CES5A: variants seen among roughly 807,000 people sequenced by gnomAD.
CES5A encodes carboxylesterase 5A.
A neutral mutation model predicts 62.9 loss-of-function variants in CES5A; 67 were observed. The observed-to-expected ratio is 1.07, with a 90% CI of 0.88 to 1.31. The LOEUF is 1.31. CES5A is among the 50% of genes most tolerant of loss of function. The probability of loss-of-function intolerance (pLI) is 0.00; values close to 1 mark genes in which losing one functional copy is unlikely to be tolerated. For missense variants in CES5A, 748 were observed against 708.5 expected (o/e 1.06, Z -0.63); for synonymous variants, 296 against 280.8 (o/e 1.05, Z -0.54).
rs56017491 is a variant in CES5A at position 55,854,544 on chromosome 16, C to CTTTTTTTTTTTTT, written c.1126-1529_1126-1517dup. Among the ~76,000 whole-genome samples the CTTTTTTTTTTTTT allele has an allele frequency of 6.6e-3, 424 of 64,340 alleles. 48 individuals are homozygous for CTTTTTTTTTTTTT. The highest frequency in any genetic ancestry group is 8.5e-3 in the Non-Finnish European group (325 of 38,202). 42.2% of individuals were successfully genotyped at this position (64,340 alleles called of 152,430 possible). A position where few individuals can be genotyped will look rare whatever the true frequency, so the allele number is the denominator to read the frequency against. On this transcript the variant is annotated intron_variant, in intron 9 of 12. Coordinates refer to ENST00000290567, the MANE Select transcript of CES5A (RefSeq NM_001143685.2). ...CCTGTAGTGTTTCTTTTTTTTTTTT[C>CTTTTTTTTTTTTT]TTTTTTTTTTTTTGAGACAGAGTCT...
upstream of CES5A, among the ~76,000 whole-genome samples, chr16:55,876,747 G>C (rs2033699454): frequency 6.6e-6 from 1 of 152,214 alleles, no homozygotes; most frequent in African/African-American, 2.4e-5. Context: ...GGCTAAGAGA[G>C]ATCTCAGGGG....
At chr16:55,890,371 T>TTA (rs72537158) in intron 1 of CES5A, among the ~76,000 whole-genome samples, 124 of 70,064 alleles carry the variant, frequency 1.8e-3, no homozygotes, top group Admixed American at 4.6e-3. Context: ...TGGGCTTGAA[T>TTA]TTTTTTTTTT....
chr16:55,950,457 T>A (rs1182338723), intron 1 of CES5A, among the ~76,000 whole-genome samples: 1 of 152,056 alleles, frequency 6.6e-6, no homozygotes, highest in Non-Finnish European at 1.5e-5. Flanking sequence ...CAAACTTGAG[T>A]ACTGAAATTT....
chr16:55,922,823 A>G (rs752821514), intron 1 of CES5A, among the ~76,000 whole-genome samples: 2 of 151,970 alleles, frequency 1.3e-5, no homozygotes, highest in Non-Finnish European at 2.9e-5. Flanking sequence ...TTTAAAAAGT[A>G]GAAATGATAT....
intron 1 of CES5A, among the ~76,000 whole-genome samples, chr16:55,906,555 T>A (rs1274173064): frequency 6.6e-6 from 1 of 152,192 alleles, no homozygotes; most frequent in Non-Finnish European, 1.5e-5. Flanking sequence ...AAATGTTTAT[T>A]TAAAAGAGTG....
intron 2 of CES5A, among the ~76,000 whole-genome samples, chr16:55,936,525 G>A (rs2034377522): frequency 6.6e-6 from 1 of 152,168 alleles, no homozygotes; most frequent in African/African-American, 2.4e-5. Flanking sequence ...GCATACACCG[G>A]GTTTCTCCAG....
At chr16:55,938,839 C>CATATAT (rs141696132) in intron 2 of CES5A, among the ~76,000 whole-genome samples, 1 of 120,112 alleles carries the variant, frequency 8.3e-6, no homozygotes, top group African/African-American at 3.3e-5. Context: ...TATATATACA[C>CATATAT]ATATATATAT....
chr16:55,852,903 C>T lies in CES5A; in HGVS notation c.1251G>A (p.Leu417=), dbSNP rs745941836. ...CACCTCTGTGATATCGAGCTGTGATCAGTGCAGGGACCACAAAGAACACAT... is the reference window on the plus strand; with the variant it reads ...CACCTCTGTGATATCGAGCTGTGATTAGTGCAGGGACCACAAAGAACACAT... ...LGDVFFVVPA[L]ITARYHRDAG... The change falls in exon 10 of 13, where the codon CTG becomes CTA. Residue 417 remains leucine, a synonymous_variant. Transcript: ENST00000290567. 9 of 1,613,548 alleles carry T rather than the reference C, an allele frequency of 5.6e-6. 1 individual carries two copies. The South Asian group carries it at 9.9e-5, about 18-fold the overall frequency.
At chr16:55,885,176 A>G (rs2033801926) in intron 1 of CES5A, among the ~76,000 whole-genome samples, 1 of 151,898 alleles carries the variant, frequency 6.6e-6, no homozygotes, top group Non-Finnish European at 1.5e-5. Context: ...TACTTACATC[A>G]TTGCACCTCC....
intron 8 of CES5A, among the ~76,000 whole-genome samples, chr16:55,857,486 C>T (rs1284233354): frequency 6.6e-6 from 1 of 152,126 alleles, no homozygotes; most frequent in Non-Finnish European, 1.5e-5. Flanking sequence ...AGGGCTGATA[C>T]CTAAATGAAT....
upstream of CES5A, among the ~76,000 whole-genome samples, chr16:55,926,531 C>T (rs1395705149): frequency 6.6e-6 from 1 of 152,090 alleles, no homozygotes; most frequent in African/African-American, 2.4e-5. Flanking sequence ...ATGAGTGCCC[C>T]TTACAAATTT....
chr16:55,928,914 C>T (rs2034283467), upstream of CES5A, among the ~76,000 whole-genome samples: 1 of 152,182 alleles, frequency 6.6e-6, no homozygotes, highest in South Asian at 2.1e-4. Context: ...GTGACTCTGA[C>T]CTCACATCAT....
intron 1 of CES5A, among the ~76,000 whole-genome samples, chr16:55,953,751 A>G (rs1219278748): frequency 1.3e-5 from 2 of 152,036 alleles, no homozygotes; most frequent in African/African-American, 4.8e-5. Context: ...AAAATTCTTA[A>G]TTATTATGGG....
At chr16:55,869,985 T>C (rs2033550028) in intron 3 of CES5A, among the ~76,000 whole-genome samples, 1 of 152,232 alleles carries the variant, frequency 6.6e-6, no homozygotes, top group Non-Finnish European at 1.5e-5. Flanking sequence ...TTACTTAGCC[T>C]AAGGCTCATT....
intron 1 of CES5A, among the ~76,000 whole-genome samples, chr16:55,882,294 T>C (rs2033770217): frequency 6.6e-6 from 1 of 152,188 alleles, no homozygotes; most frequent in Non-Finnish European, 1.5e-5. Flanking sequence ...GGATGCATGG[T>C]CACTTGGTGT....
chr16:55,857,949 C>G (rs1474447973), intron 8 of CES5A, among the ~76,000 whole-genome samples: 1 of 152,212 alleles, frequency 6.6e-6, no homozygotes, highest in African/African-American at 2.4e-5. Flanking sequence ...AATTCCAGCA[C>G]TTTGGGAGGC....
chr16:55,856,784 A>T (rs2033253008), intron 8 of CES5A, among the ~76,000 whole-genome samples: 1 of 152,174 alleles, frequency 6.6e-6, no homozygotes, highest in South Asian at 2.1e-4. Context: ...GACTATTTGG[A>T]GTTAGTACTT....
At position 55,871,724 on chromosome 16, in the gene CES5A, A is replaced by G. The variant is rs3859108; in HGVS notation, c.318T>C (p.His106=). ...QNSEWLLLDQ[H]MLKVHYPKFG... ...ATTTCGGGTAATGCACCTTGAGCAT[A>G]TGTTGATCTAAGAGCAGCCACTCTG... The change falls in exon 3 of 13, where the codon CAT becomes CAC. Residue 106 remains histidine, a synonymous_variant. Coordinates refer to ENST00000290567, the MANE Select transcript of CES5A (RefSeq NM_001143685.2). The G allele has an allele frequency of 1, 1,611,286 of 1,614,116 alleles. 804,276 individuals carry two copies. Among genetic ancestry groups the G allele is most frequent in the East Asian group, 1 (44,850 of 44,850 alleles).
chr16:55,856,200 G>T (rs1291678807), intron 9 of CES5A, among the ~76,000 whole-genome samples, 177 bp downstream of exon 9: 1 of 152,120 alleles, frequency 6.6e-6, no homozygotes, highest in Non-Finnish European at 1.5e-5. Flanking sequence ...CCAGTCTCAG[G>T]TATTTCTTAA....
Sources: gnomAD v4.1 joint callset for allele counts (sites outside exome capture counted in the v4.1 genomes callset) on GRCh38, gnomAD v4.1.1 for gene constraint, MANE v1.5 for transcripts, NCBI Gene and HGNC (gene_info 2026-07-23, HGNC 2026-07-21) for gene names.